The following PCDH15 variants were observed in gnomAD, a reference collection of about 807,000 sequenced individuals.
The protein encoded by PCDH15 is protocadherin-15.
In PCDH15, 129 loss-of-function variants were observed where a neutral mutation model predicts 178.5. The ratio of observed to expected loss-of-function variants is 0.72; its 90% CI spans 0.63 to 0.84. The LOEUF (loss-of-function observed/expected upper bound fraction) is 0.84, where lower values mean the gene tolerates loss of function less well. Among genes scored for constraint, PCDH15 ranks in the 40% least tolerant of loss-of-function variants. The pLI, the probability that PCDH15 is intolerant of heterozygous loss-of-function variation, is 0.00. For synonymous variants in PCDH15, 800 were observed against 732.0 expected (o/e 1.09, Z -1.50); for missense variants, 2,230 against 2,099.9 (o/e 1.06, Z -1.21).
intron 25 of PCDH15, among the ~76,000 whole-genome samples, chr10:53,927,164 G>C (rs2084636423): frequency 6.6e-6 from 1 of 151,884 alleles, no homozygotes; most frequent in Non-Finnish European, 1.5e-5. Flanking sequence ...GTGTGTGTGT[G>C]TGTGTGTGAA....
At chr10:53,881,915 T>C (rs975992471) in intron 26 of PCDH15, among the ~76,000 whole-genome samples, 18 of 152,020 alleles carry the variant, frequency 1.2e-4, no homozygotes, top group Admixed American at 3.3e-4. Flanking sequence ...CAATTTACTA[T>C]ACAGGATGAT....
chr10:54,522,087 CAAAAAAAAAAAA>C (rs11313978), intron 3 of PCDH15, among the ~76,000 whole-genome samples: 1 of 58,892 alleles, frequency 1.7e-5, no homozygotes, highest in African/African-American at 6.3e-5. Flanking sequence ...GAATCCATCT[CAAAAAAAAAAAA>C]AAAAAAAAAA....
At chr10:55,244,376 G>A (rs1192040732) in intron 1 of PCDH15, among the ~76,000 whole-genome samples, 3 of 151,864 alleles carry the variant, frequency 2.0e-5, no homozygotes, top group South Asian at 4.2e-4. Context: ...AGAAATAATA[G>A]AAGAAAACAG....
intron 2 of PCDH15, among the ~76,000 whole-genome samples, chr10:54,558,513 C>T (rs1172904604): frequency 1.3e-5 from 2 of 152,024 alleles, no homozygotes; most frequent in Non-Finnish European, 2.9e-5. Context: ...GTTTAAATCA[C>T]TTTACCACAA....
At chr10:54,410,537 T>C (rs2135619729) in intron 3 of PCDH15, among the ~76,000 whole-genome samples, 1 of 152,258 alleles carries the variant, frequency 6.6e-6, no homozygotes, top group Non-Finnish European at 1.5e-5. Context: ...AGATACTATA[T>C]AAAATTTTGA....
At chr10:54,901,913 A>G (rs1031563278) in intron 2 of PCDH15, among the ~76,000 whole-genome samples, 2 of 152,162 alleles carry the variant, frequency 1.3e-5, no homozygotes, top group African/African-American at 4.8e-5. Context: ...TCAGAAAATC[A>G]TAATTTTATA....
intron 2 of PCDH15, among the ~76,000 whole-genome samples, chr10:55,000,314 A>G (rs1161466007): frequency 6.6e-6 from 1 of 152,192 alleles, no homozygotes. Flanking sequence ...TTGCTGAGAA[A>G]AAGAATTCAG....
At chr10:54,146,030 G>A (rs1250917259) in intron 14 of PCDH15, among the ~76,000 whole-genome samples, 1 of 151,886 alleles carries the variant, frequency 6.6e-6, no homozygotes, top group Non-Finnish European at 1.5e-5. Flanking sequence ...TCCCATGTGG[G>A]CAGAGATCTC....
chr10:54,405,824 T>G (rs1163222705), intron 3 of PCDH15, among the ~76,000 whole-genome samples: 1 of 151,746 alleles, frequency 6.6e-6, no homozygotes, highest in African/African-American at 2.4e-5. Context: ...AAACAATACA[T>G]GAAGGCTAGA....
chr10:55,622,348 T>A (rs139676288), intron 2 of PCDH15, among the ~76,000 whole-genome samples: 1,559 of 151,382 alleles, frequency 0.01, 30 homozygotes, highest in African/African-American at 0.035. Context: ...TAATTGTACT[T>A]CCTTTCACTT....
chr10:54,198,886 C>CA (rs911104875), intron 10 of PCDH15, among the ~76,000 whole-genome samples: 44 of 152,062 alleles, frequency 2.9e-4, no homozygotes, highest in African/African-American at 1.1e-3. Flanking sequence ...CAAACACACA[C>CA]AATATATAGG....
At chr10:54,164,441 T>C (rs1030507854) in intron 13 of PCDH15, among the ~76,000 whole-genome samples, 1 of 152,150 alleles carries the variant, frequency 6.6e-6, no homozygotes, top group African/African-American at 2.4e-5. Context: ...AGGTAATCCT[T>C]ATGTAGAAGG....
chr10:54,776,514 G>A (rs751846247), intron 1 of PCDH15, among the ~76,000 whole-genome samples: 13 of 151,908 alleles, frequency 8.6e-5, no homozygotes, highest in South Asian at 2.1e-4. Context: ...TTAAACATTA[G>A]GGCAATGATT....
chr10:55,359,720 GTATATATATATA>G (rs57949952), intron 2 of PCDH15, among the ~76,000 whole-genome samples: 1 of 112,942 alleles, frequency 8.9e-6, no homozygotes, highest in Non-Finnish European at 1.7e-5. Flanking sequence ...AAAATGTGGT[GTATATATATATA>G]TATATATATA....
At chr10:54,251,899 T>C (rs951713895) in intron 8 of PCDH15, among the ~76,000 whole-genome samples, 2 of 152,168 alleles carry the variant, frequency 1.3e-5, no homozygotes, top group African/African-American at 2.4e-5. Flanking sequence ...TTAAATTTTA[T>C]TTCTTATCCA....
intron 3 of PCDH15, among the ~76,000 whole-genome samples, chr10:54,456,725 T>C (rs2076849366): frequency 6.6e-6 from 1 of 152,202 alleles, no homozygotes; most frequent in Non-Finnish European, 1.5e-5. Context: ...AAATCTCATC[T>C]TGAATTGCAG....
chr10:53,856,334 A>G (rs1018062044), intron 28 of PCDH15, among the ~76,000 whole-genome samples: 1 of 152,106 alleles, frequency 6.6e-6, no homozygotes, highest in African/African-American at 2.4e-5. Flanking sequence ...GTATCAAAAT[A>G]TAAGAACTGC....
chr10:54,731,545 G>GATATATATATATAGATATATAT (rs1943352503), intron 1 of PCDH15, among the ~76,000 whole-genome samples: 1 of 80,256 alleles, frequency 1.2e-5, no homozygotes, highest in African/African-American at 4.7e-5. Context: ...ATGTGAGATA[G>GATATATATATATAGATATATAT]ATATATATAT....
At chr10:55,193,899 CT>C (rs1376127394) in intron 1 of PCDH15, among the ~76,000 whole-genome samples, 8 of 151,728 alleles carry the variant, frequency 5.3e-5, no homozygotes, top group Non-Finnish European at 4.4e-5. Context: ...CTATGGGTCC[CT>C]TAAATAATGA....
Sources: allele counts gnomAD v4.1 joint callset (sites outside exome capture counted in the v4.1 genomes callset), GRCh38; gene constraint gnomAD v4.1.1; transcripts MANE v1.5; gene names NCBI Gene and HGNC (gene_info 2026-07-23, HGNC 2026-07-21).